The following HDAC4 variants were observed in gnomAD, a reference collection of about 807,000 sequenced individuals.
HDAC4 encodes the protein histone deacetylase 4.
A neutral mutation model predicts 135.1 loss-of-function variants in HDAC4; 16 were observed. The observed-to-expected ratio is 0.12, with a 90% CI of 0.08 to 0.18. HDAC4 has a LOEUF of 0.18. Ranked by LOEUF, HDAC4 falls within the 10% of genes least tolerant of loss-of-function variation. The pLI is 1.00. For missense variants in HDAC4, 1,143 were observed against 1,511.8 expected (o/e 0.76, Z 4.05); for synonymous variants, 685 against 653.4 (o/e 1.05, Z -0.74).
intron 1 of HDAC4, among the ~76,000 whole-genome samples, chr2:239,392,457 T>G (rs1696293034): frequency 6.6e-6 from 1 of 152,218 alleles, no homozygotes; most frequent in Non-Finnish European, 1.5e-5. Context: ...GAGGGGGTTT[T>G]AATATGCCAG....
chr2:239,361,885 C>T, intron 1 of HDAC4, among the ~76,000 whole-genome samples: 1 of 152,194 alleles, frequency 6.6e-6, no homozygotes, highest in East Asian at 1.9e-4. Context: ...ACTTCACTAA[C>T]CAGATTAGAG....
intron 5 of HDAC4, among the ~76,000 whole-genome samples, chr2:239,170,767 C>A (rs1196634891): frequency 1.3e-5 from 2 of 152,178 alleles, no homozygotes; most frequent in Non-Finnish European, 2.9e-5. Context: ...GAAACAGGGA[C>A]CGCGGGGAGC....
At chr2:239,202,404 G>A (rs906109497) in intron 3 of HDAC4, among the ~76,000 whole-genome samples, 2 of 152,234 alleles carry the variant, frequency 1.3e-5, no homozygotes, top group African/African-American at 4.8e-5. Flanking sequence ...GACAGGCAAA[G>A]TGGGGCAGTG....
At chr2:239,168,984 G>A (rs1428285074) in intron 5 of HDAC4, among the ~76,000 whole-genome samples, 1 of 152,232 alleles carries the variant, frequency 6.6e-6, no homozygotes, top group Non-Finnish European at 1.5e-5. Flanking sequence ...ATGCAGCGCA[G>A]GGATTGTTTT....
At chr2:239,222,639 C>T (rs1260024919) in intron 3 of HDAC4, among the ~76,000 whole-genome samples, 1 of 152,024 alleles carries the variant, frequency 6.6e-6, no homozygotes, top group African/African-American at 2.4e-5. Context: ...CAGAACCATC[C>T]GTCTGAGATG....
intron 2 of HDAC4, among the ~76,000 whole-genome samples, chr2:239,237,131 T>A (rs1235185831): frequency 6.6e-6 from 1 of 152,124 alleles, no homozygotes; most frequent in African/African-American, 2.4e-5. Flanking sequence ...CTGAGGCCAC[T>A]CTAGCTGCAA....
intron 12 of HDAC4, 100 bp downstream of exon 12, chr2:239,126,356 C>G: frequency 1.3e-6 from 2 of 1,592,166 alleles, no homozygotes; most frequent in Admixed American, 1.7e-5. Context: ...GCCTCCTGGC[C>G]TCCCTTAAGG....
intron 3 of HDAC4, among the ~76,000 whole-genome samples, chr2:239,221,759 G>A (rs62188563): frequency 8.0e-4 from 122 of 152,332 alleles, no homozygotes; most frequent in African/African-American, 2.8e-3. Context: ...CATCGTGGAC[G>A]AGAGCCATTT....
intron 12 of HDAC4, 86 bp downstream of exon 12, chr2:239,126,370 G>C: frequency 1.2e-6 from 2 of 1,605,494 alleles, no homozygotes; most frequent in Non-Finnish European, 1.7e-6. Flanking sequence ...CTTAAGGTCA[G>C]AAAGGGGCCA....
intron 3 of HDAC4, among the ~76,000 whole-genome samples, chr2:239,195,084 C>T (rs377263528): frequency 3.3e-5 from 5 of 152,278 alleles, no homozygotes; most frequent in East Asian, 3.9e-4. Flanking sequence ...GAGGGGGCTT[C>T]GGTGGGCACC....
intron 1 of HDAC4, among the ~76,000 whole-genome samples, chr2:239,398,873 G>A (rs1696743804): frequency 6.6e-6 from 1 of 152,244 alleles, no homozygotes; most frequent in African/African-American, 2.4e-5. Context: ...CCCCTTGCAG[G>A]AGAAAGAACC....
At chr2:239,206,542 G>C (rs887952320) in intron 3 of HDAC4, among the ~76,000 whole-genome samples, 7 of 151,694 alleles carry the variant, frequency 4.6e-5, no homozygotes, top group African/African-American at 1.7e-4. Flanking sequence ...GGAAATCCAG[G>C]CAACAAAGGA....
intron 3 of HDAC4, chr2:239,191,057 T>TAGTG: frequency 2.2e-6 from 1 of 455,798 alleles, no homozygotes; most frequent in South Asian, 1.6e-5. Flanking sequence ...GCCGAAAACT[T>TAGTG]CACTGAGAGT....
Position 239,102,759 on chromosome 2 carries a change from G to T in HDAC4, c.2233+17C>A. 1 of 1,613,682 alleles carries T rather than the reference G, an allele frequency of 6.2e-7. No homozygotes were observed. Among genetic ancestry groups the T allele is most frequent in the Non-Finnish European group, 8.5e-7 (1 of 1,179,952 alleles). ...ACTTCAAACCCAATATGGGAGGAAA[G>T]GAAGGTCCTGAAATACCTAGAAGTT... On this transcript the variant is annotated intron_variant, in intron 16 of 26. Transcript: ENST00000543185.
At chr2:239,227,589 C>T (rs72988633) in intron 3 of HDAC4, among the ~76,000 whole-genome samples, 2 of 152,160 alleles carry the variant, frequency 1.3e-5, no homozygotes, top group East Asian at 3.9e-4. Flanking sequence ...CAGACAAGCA[C>T]CTTGGGGAAA....
intron 22 of HDAC4, among the ~76,000 whole-genome samples, chr2:239,080,733 C>T (rs918923209): frequency 6.6e-6 from 1 of 152,132 alleles, no homozygotes; most frequent in Non-Finnish European, 1.5e-5. Context: ...AGGAGGTTTG[C>T]GGAAGAAGAA....
At chr2:239,171,345 C>T (rs1317620291) in intron 5 of HDAC4, among the ~76,000 whole-genome samples, 1 of 152,072 alleles carries the variant, frequency 6.6e-6, no homozygotes, top group Non-Finnish European at 1.5e-5. Context: ...GAACTGAAAA[C>T]CAAATAAATG....
intron 1 of HDAC4, among the ~76,000 whole-genome samples, chr2:239,386,200 G>A (rs74930323): frequency 0.023 from 3,549 of 152,172 alleles, 137 homozygotes; most frequent in African/African-American, 0.082. Flanking sequence ...CAGAGCCACT[G>A]TCAGGTCCCA....
At chr2:239,318,328 C>T (rs940632124) in intron 2 of HDAC4, among the ~76,000 whole-genome samples, 6 of 152,186 alleles carry the variant, frequency 3.9e-5, no homozygotes, top group African/African-American at 1.4e-4. Flanking sequence ...GGAAACATGC[C>T]GAAATCCCAA....
Sources: allele counts gnomAD v4.1 joint callset (sites outside exome capture counted in the v4.1 genomes callset), GRCh38; gene constraint gnomAD v4.1.1; transcripts MANE v1.5; gene names NCBI Gene and HGNC (gene_info 2026-07-23, HGNC 2026-07-21).